The following RIT2 variants were observed in gnomAD, a reference collection of about 807,000 sequenced individuals.
RIT2 encodes the protein Ras like without CAAX 2.
A neutral mutation model predicts 23.7 loss-of-function variants in RIT2; 24 were observed. That is an observed-to-expected ratio of 1.01 (90% CI 0.73 to 1.43). The LOEUF (loss-of-function observed/expected upper bound fraction) is 1.43, where lower values mean the gene tolerates loss of function less well. Among genes scored for constraint, RIT2 ranks in the 40% most tolerant of loss-of-function variants. The probability of loss-of-function intolerance (pLI) is 0.00; values close to 1 mark genes in which losing one functional copy is unlikely to be tolerated. For synonymous variants in RIT2, 107 were observed against 91.1 expected, an observed-to-expected ratio of 1.17 and a Z score of -0.99; for missense variants, 236 against 266.9, an observed-to-expected ratio of 0.88 and a Z score of 0.81.
chr18:42,959,433 T>C (rs781192817), intron 3 of RIT2, among the ~76,000 whole-genome samples: 6 of 152,230 alleles, frequency 3.9e-5, no homozygotes, highest in Non-Finnish European at 7.3e-5. Flanking sequence ...ACTCTTAAAT[T>C]CTACAATTAA....
chr18:42,964,433 C>G (rs1910165006), intron 3 of RIT2, among the ~76,000 whole-genome samples: 1 of 151,966 alleles, frequency 6.6e-6, no homozygotes, highest in Non-Finnish European at 1.5e-5. Context: ...TAAAGTGTTT[C>G]TGTTAAAATT....
intron 4 of RIT2, among the ~76,000 whole-genome samples, chr18:42,868,137 T>C (rs1371822383): frequency 6.6e-6 from 1 of 152,182 alleles, no homozygotes; most frequent in Non-Finnish European, 1.5e-5. Context: ...CACGTGCATA[T>C]TTTTCCACAC....
intron 1 of RIT2, among the ~76,000 whole-genome samples, chr18:43,112,495 T>G (rs1048041925): frequency 6.6e-6 from 1 of 152,220 alleles, no homozygotes; most frequent in African/African-American, 2.4e-5. Context: ...ATTCCTCACA[T>G]AAAGTACATT....
At chr18:43,025,176 T>G (rs1448882093) in intron 2 of RIT2, among the ~76,000 whole-genome samples, 1 of 151,166 alleles carries the variant, frequency 6.6e-6, no homozygotes, top group African/African-American at 2.4e-5. Flanking sequence ...TCACTGCACT[T>G]TCAGCCTGAG....
At chr18:42,809,908 T>C (rs1232948795) in intron 4 of RIT2, among the ~76,000 whole-genome samples, 1 of 142,994 alleles carries the variant, frequency 7.0e-6, no homozygotes, top group Non-Finnish European at 1.5e-5. Flanking sequence ...TTATATATAA[T>C]ATATATAATT....
At chr18:42,767,045 C>G (rs1458271415) in intron 4 of RIT2, among the ~76,000 whole-genome samples, 1 of 152,230 alleles carries the variant, frequency 6.6e-6, no homozygotes, top group African/African-American at 2.4e-5. Context: ...TCATCAAGAA[C>G]CTCTGCTAGG....
At chr18:42,851,888 CA>C (rs1343533070) in intron 4 of RIT2, among the ~76,000 whole-genome samples, 1 of 152,078 alleles carries the variant, frequency 6.6e-6, no homozygotes, top group Non-Finnish European at 1.5e-5. Context: ...GGTCTCACAG[CA>C]GTGCACTGTA....
At chr18:42,964,959 G>C (rs16977160) in intron 3 of RIT2, among the ~76,000 whole-genome samples, 7,986 of 148,864 alleles carry the variant, frequency 0.054, 446 homozygotes, top group East Asian at 0.26. Flanking sequence ...TTACCATTTT[G>C]CTTGAGCAAA....
intron 4 of RIT2, among the ~76,000 whole-genome samples, chr18:42,776,791 A>C (rs1026436425): frequency 1.3e-5 from 2 of 152,168 alleles, no homozygotes; most frequent in African/African-American, 4.8e-5. Context: ...TAATAATAAA[A>C]TAATTCACAT....
intron 4 of RIT2, among the ~76,000 whole-genome samples, chr18:42,780,544 A>T (rs1913787304): frequency 6.6e-6 from 1 of 152,134 alleles, no homozygotes; most frequent in Non-Finnish European, 1.5e-5. Context: ...CCTGTAAGAG[A>T]CTTTTGCAGG....
At chr18:42,929,937 T>C (rs1184341819) in intron 3 of RIT2, among the ~76,000 whole-genome samples, 1 of 152,106 alleles carries the variant, frequency 6.6e-6, no homozygotes, top group Non-Finnish European at 1.5e-5. Flanking sequence ...GTGAGGAACA[T>C]AGGCCTGCGC....
At chr18:43,028,808 G>A (rs1385943525) in intron 2 of RIT2, among the ~76,000 whole-genome samples, 8 of 151,898 alleles carry the variant, frequency 5.3e-5, no homozygotes, top group African/African-American at 1.5e-4. Context: ...ACTCTCCCCC[G>A]AGCATTTATA....
chr18:43,109,391 A>AT (rs1256454098), intron 1 of RIT2, among the ~76,000 whole-genome samples: 10 of 152,166 alleles, frequency 6.6e-5, no homozygotes, highest in Non-Finnish European at 1.2e-4. Flanking sequence ...CTCAAAAGAT[A>AT]TTTTTTCAAC....
At chr18:42,893,427 C>A (rs1227866454) in intron 4 of RIT2, among the ~76,000 whole-genome samples, 2 of 152,076 alleles carry the variant, frequency 1.3e-5, no homozygotes, top group South Asian at 4.2e-4. Flanking sequence ...CTTGCTGTGT[C>A]CTCAAAAGGC....
chr18:42,779,852 C>T (rs892440217), intron 4 of RIT2, among the ~76,000 whole-genome samples: 1 of 152,108 alleles, frequency 6.6e-6, no homozygotes, highest in African/African-American at 2.4e-5. Context: ...CCACTAACTG[C>T]TCTGTGACCT....
At chr18:43,080,319 C>T (rs963523609) in intron 1 of RIT2, among the ~76,000 whole-genome samples, 1 of 152,188 alleles carries the variant, frequency 6.6e-6, no homozygotes, top group African/African-American at 2.4e-5. Context: ...TTCTGCTCTC[C>T]AACGTAAAAC....
intron 2 of RIT2, among the ~76,000 whole-genome samples, chr18:42,984,371 T>C (rs1166526008): frequency 6.6e-6 from 1 of 152,064 alleles, no homozygotes; most frequent in East Asian, 1.9e-4. Context: ...AAATTGTAGA[T>C]ATAAAGAACA....
At chr18:43,016,729 C>A (rs1360420229) in intron 2 of RIT2, among the ~76,000 whole-genome samples, 2 of 151,746 alleles carry the variant, frequency 1.3e-5, no homozygotes, top group Non-Finnish European at 2.9e-5. Flanking sequence ...GGAAAATTGA[C>A]ATATTCAATT....
intron 4 of RIT2, among the ~76,000 whole-genome samples, chr18:42,882,090 C>T (rs1907910322): frequency 6.6e-6 from 1 of 152,176 alleles, no homozygotes; most frequent in Non-Finnish European, 1.5e-5. Flanking sequence ...TGGGCTCTTG[C>T]TTTCCATTTG....
Sources: gnomAD v4.1 joint callset for allele counts (sites outside exome capture counted in the v4.1 genomes callset) on GRCh38, gnomAD v4.1.1 for gene constraint, MANE v1.5 for transcripts, NCBI Gene and HGNC (gene_info 2026-07-23, HGNC 2026-07-21) for gene names.